Variants in ZBTB7C observed in about 807,000 individuals in gnomAD.
The protein encoded by ZBTB7C is zinc finger and BTB domain-containing protein 7C.
In ZBTB7C, 8 loss-of-function variants were observed where a neutral mutation model predicts 25.7. That is an observed-to-expected ratio of 0.31 (90% CI 0.18 to 0.56). The LOEUF (loss-of-function observed/expected upper bound fraction) is 0.56. ZBTB7C is among the 20% of genes least tolerant of loss of function. The probability of loss-of-function intolerance (pLI) is 0.91; values close to 1 mark genes in which losing one functional copy is unlikely to be tolerated. For missense variants in ZBTB7C, 824 were observed against 855.2 expected (o/e 0.96, Z 0.46); for synonymous variants, 394 against 369.0 (o/e 1.07, Z -0.78).
chr18:48,166,314 A>ATTTG (rs2041242794), intron 3 of ZBTB7C, among the ~76,000 whole-genome samples: 1 of 152,210 alleles, frequency 6.6e-6, no homozygotes, highest in East Asian at 1.9e-4. Context: ...TTATTTATTT[A>ATTTG]TTTGTTTATT....
chr18:48,349,435 C>T (rs1016205518), intron 1 of ZBTB7C, among the ~76,000 whole-genome samples: 1 of 152,096 alleles, frequency 6.6e-6, no homozygotes, highest in Non-Finnish European at 1.5e-5. Flanking sequence ...TAGGGAGTCC[C>T]TATAATATGT....
intron 2 of ZBTB7C, among the ~76,000 whole-genome samples, chr18:48,322,237 C>T (rs1295116153): frequency 1.3e-5 from 2 of 152,178 alleles, no homozygotes; most frequent in East Asian, 3.9e-4. Flanking sequence ...AGCACTGACA[C>T]TCTGGGCTGC....
At chr18:48,261,675 G>A (rs2144515402) in intron 2 of ZBTB7C, among the ~76,000 whole-genome samples, 1 of 152,156 alleles carries the variant, frequency 6.6e-6, no homozygotes, top group Admixed American at 6.5e-5. Flanking sequence ...TTCACAGCAT[G>A]GACACTAGGC....
chr18:48,101,372 C>T (rs1234814213), intron 3 of ZBTB7C, among the ~76,000 whole-genome samples: 3 of 152,212 alleles, frequency 2.0e-5, no homozygotes, highest in Non-Finnish European at 2.9e-5. Context: ...TCAAAGTAAA[C>T]AGGTGGATTT....
intron 2 of ZBTB7C, among the ~76,000 whole-genome samples, chr18:48,309,717 G>A (rs2045766563): frequency 6.6e-6 from 1 of 152,240 alleles, no homozygotes; most frequent in Admixed American, 6.5e-5. Context: ...ACCCTTTTAA[G>A]AGAGAGAAAC....
At chr18:48,057,642 T>C (rs2036969651) in intron 3 of ZBTB7C, among the ~76,000 whole-genome samples, 1 of 152,244 alleles carries the variant, frequency 6.6e-6, no homozygotes, top group Non-Finnish European at 1.5e-5. Context: ...AAAGCCATTA[T>C]TATTAAAAAT....
intron 4 of ZBTB7C, among the ~76,000 whole-genome samples, chr18:48,038,617 C>T (rs1294695939): frequency 1.3e-5 from 2 of 150,776 alleles, no homozygotes; most frequent in Non-Finnish European, 2.9e-5. Flanking sequence ...CACAACCTTG[C>T]ACTGTGTCCT....
At chr18:48,247,594 C>A (rs1359035967) in intron 2 of ZBTB7C, among the ~76,000 whole-genome samples, 1 of 152,206 alleles carries the variant, frequency 6.6e-6, no homozygotes, top group African/African-American at 2.4e-5. Context: ...TTCTCCACCT[C>A]TTCTGCTTCA....
intron 3 of ZBTB7C, among the ~76,000 whole-genome samples, chr18:48,064,374 G>A (rs757775618): frequency 5.9e-5 from 9 of 152,188 alleles, no homozygotes; most frequent in African/African-American, 1.9e-4. Flanking sequence ...TCAATGACTC[G>A]TCTTCTTGGA....
chr18:48,358,123 G>T (rs1469832768), intron 1 of ZBTB7C, among the ~76,000 whole-genome samples: 3 of 152,188 alleles, frequency 2.0e-5, no homozygotes, highest in African/African-American at 4.8e-5. Flanking sequence ...GGCCGAGGCG[G>T]GTGGATCAGT....
At chr18:48,360,669 T>A (rs1051379139) in intron 1 of ZBTB7C, among the ~76,000 whole-genome samples, 1 of 152,022 alleles carries the variant, frequency 6.6e-6, no homozygotes, top group Admixed American at 6.5e-5. Flanking sequence ...GAGGGGAGCC[T>A]GCAGGTTTGA....
At chr18:48,368,130 T>C (rs964558042) in intron 1 of ZBTB7C, among the ~76,000 whole-genome samples, 1 of 151,024 alleles carries the variant, frequency 6.6e-6, no homozygotes, top group Admixed American at 6.6e-5. Flanking sequence ...AACTCCAAGA[T>C]GACAGACATG....
chr18:48,328,020 A>G (rs1250025523), intron 2 of ZBTB7C, among the ~76,000 whole-genome samples: 2 of 151,910 alleles, frequency 1.3e-5, no homozygotes, highest in Non-Finnish European at 2.9e-5. Flanking sequence ...CATCCTGGCT[A>G]ACACGGTGAA....
chr18:48,232,916 G>A (rs2043290714), intron 2 of ZBTB7C, among the ~76,000 whole-genome samples: 1 of 152,190 alleles, frequency 6.6e-6, no homozygotes, highest in Admixed American at 6.5e-5. Flanking sequence ...CCCTGGTTGA[G>A]TGTTGGAGGT....
In ZBTB7C at chr18:48,029,562, C is replaced by A; in HGVS notation, c.1558G>T (p.Gly520Cys). ...GGGCCCGGGAGGCACACAGCTGCGCCGCCCAGGTGGCCGCCCACCTCGCCC... is the reference window on the plus strand; with the variant it reads ...GGGCCCGGGAGGCACACAGCTGCGCAGCCCAGGTGGCCGCCCACCTCGCCC... ...ALGEVGGHLG[G>C]AAVCLPGPSP... Residue 520 changes from glycine (G) to cysteine (C), a missense_variant, in exon 5 of 5, where the codon GGC becomes TGC. Around this residue, in one of 4 missense-constraint regions of ZBTB7C, gnomAD observed 342 missense variants for 307.0 expected, o/e 1.11. Transcript: ENST00000590800. The A allele has an allele frequency of 6.6e-7, 1 of 1,518,552 alleles. No individual in the cohort carries two copies. The highest frequency in any genetic ancestry group is 2.5e-5 in the East Asian group (1 of 40,258). The allele number at this position is 1,518,552 out of a possible 1,614,324, so 94.1% of individuals were successfully genotyped here. A position where few individuals can be genotyped will look rare whatever the true frequency, so the allele number is the denominator to read the frequency against.
chr18:48,140,029 CCTGA>C (rs1391650181), intron 3 of ZBTB7C, among the ~76,000 whole-genome samples: 1 of 152,200 alleles, frequency 6.6e-6, no homozygotes, highest in Non-Finnish European at 1.5e-5. Context: ...GCAAGCCTGC[CCTGA>C]CTTTCACAGC....
intron 1 of ZBTB7C, among the ~76,000 whole-genome samples, chr18:48,347,511 C>T (rs1047246866): frequency 2.8e-4 from 42 of 152,122 alleles, no homozygotes; most frequent in African/African-American, 9.9e-4. Flanking sequence ...AACACGTGTG[C>T]ACCCACTCCC....
At chr18:48,361,151 T>G (rs1568399920) in intron 1 of ZBTB7C, among the ~76,000 whole-genome samples, 1 of 152,150 alleles carries the variant, frequency 6.6e-6, no homozygotes, top group Admixed American at 6.5e-5. Flanking sequence ...CTCATCTCCC[T>G]GCGTCAGGCC....
At chr18:48,045,608 C>A (rs1598771035) in intron 3 of ZBTB7C, among the ~76,000 whole-genome samples, 1 of 152,336 alleles carries the variant, frequency 6.6e-6, no homozygotes, top group East Asian at 1.9e-4. Context: ...GAGATTACAA[C>A]TGATCTCGCA....
Sources: gnomAD v4.1 joint callset for allele counts (sites outside exome capture counted in the v4.1 genomes callset) on GRCh38, gnomAD v4.1.1 for gene constraint, gnomAD v4.1.1 regional missense constraint, MANE v1.5 for transcripts, NCBI Gene and HGNC (gene_info 2026-07-23, HGNC 2026-07-21) for gene names.